Variants in TRIL observed in about 807,000 individuals in gnomAD.
The protein encoded by TRIL is TLR4 interactor with leucine rich repeats.
TRIL carries 23 observed loss-of-function variants against 43.0 expected under a neutral mutation model. The ratio of observed to expected loss-of-function variants is 0.54; its 90% CI spans 0.39 to 0.76. TRIL has a LOEUF of 0.76. Ranked by LOEUF, TRIL falls within the 30% of genes least tolerant of loss-of-function variation. TRIL has a pLI of 0.00. For synonymous variants in TRIL, 602 were observed against 556.8 expected, an observed-to-expected ratio of 1.08 and a Z score of -1.14; for missense variants, 1,114 against 1,139.3, an observed-to-expected ratio of 0.98 and a Z score of 0.32.
chr7:28,957,011 C>A lies in TRIL; in HGVS notation c.1036G>T (p.Ala346Ser). The change falls in exon 1 of 1, where the codon GCC becomes TCC. Residue 346 changes from alanine (A) to serine (S), a missense_variant. Physicochemically the swap from Ala to Ser is moderately conservative, Grantham distance 99 (BLOSUM62 1). Transcript: ENST00000539664. ...ALSALSGDIF[A>S]ASPALYRLDL... is the part of the protein sequence containing the mutation. ...AGCCGATAAAGGGCTGGGCTGGCGG[C>A]GAAGATGTCCCCGGATAGGGCGCTG... 1 of 1,579,518 alleles carries A rather than the reference C, an allele frequency of 6.3e-7. No homozygotes were observed. The highest frequency in any genetic ancestry group is 8.6e-7 in the Non-Finnish European group (1 of 1,164,300).
Position 28,953,699 on chromosome 7 carries a change from C to G in TRIL, c.*1912G>C, listed in dbSNP as rs1232485139. 2 of 152,226 alleles carry G rather than the reference C, an allele frequency of 1.3e-5. No individual in the cohort carries two copies. The highest frequency in any genetic ancestry group is 4.8e-5 in the African/African-American group (2 of 41,466). The allele number at this position is 152,226 out of a possible 1,614,324, so 9.4% of individuals were successfully genotyped here. A position where few individuals can be genotyped will look rare whatever the true frequency, so the allele number is the denominator to read the frequency against. ...ACTACTGCTCTCATGTACCAGTATGCTCTCAATCTAAAATAAGCCCTGGCA... is the reference window on the plus strand; with the variant it reads ...ACTACTGCTCTCATGTACCAGTATGGTCTCAATCTAAAATAAGCCCTGGCA... On this transcript the variant is annotated 3_prime_UTR_variant, in exon 1 of 1. Coordinates refer to ENST00000539664, the MANE Select transcript of TRIL (RefSeq NM_014817.4).
In TRIL at chr7:28,958,136, C is replaced by T. The variant is rs1469703149; in HGVS notation, c.-90G>A. 11 of 1,418,264 alleles carry T rather than the reference C, an allele frequency of 7.8e-6. No homozygotes were observed. Among genetic ancestry groups the T allele is most frequent in the African/African-American group, 6.0e-5 (4 of 66,762 alleles). 87.9% of individuals were successfully genotyped at this position (1,418,264 alleles called of 1,614,324 possible). A position where few individuals can be genotyped will look rare whatever the true frequency, so the allele number is the denominator to read the frequency against. On this transcript the variant is annotated 5_prime_UTR_variant, in exon 1 of 1. Coordinates refer to ENST00000539664, the MANE Select transcript of TRIL (RefSeq NM_014817.4). ...GCATTCCCCTTAGCCTGGCCAGAGT[C>T]GCTAAATGGCCTCTTTCGGACTTCG... is the stretch of plus-strand genomic sequence containing the variant.
At position 28,957,183 on chromosome 7, in the gene TRIL, C is replaced by T. The variant is rs776312894; in HGVS notation, c.864G>A (p.Arg288=). 2 of 1,597,564 alleles carry T rather than the reference C, an allele frequency of 1.3e-6. No individual in the cohort carries two copies. The highest frequency in any genetic ancestry group is 8.5e-7 in the Non-Finnish European group (1 of 1,175,426). ...GCAGCGCAGTTGGCAGCTGGCTCAG[C>T]CGATTACCCTCCAGGCGCAGCTCGC... ...ALRELRLEGN[R]LSQLPTALLE... The change falls in exon 1 of 1, where the codon CGG becomes CGA. Residue 288 remains arginine (R), a synonymous_variant. Coordinates refer to ENST00000539664, the MANE Select transcript of TRIL (RefSeq NM_014817.4).
rs1218444259 is a variant in TRIL, at chr7:28,955,700, G to A, written c.2347C>T (p.Pro783Ser). The A allele has an allele frequency of 9.7e-6, 15 of 1,549,946 alleles. No homozygotes were observed. Among genetic ancestry groups the A allele is most frequent in the African/African-American group, 5.5e-5 (4 of 73,068 alleles). ...GCACTGTCCATGAAGCGGTCGCAGG[G>A]GAATTCGATGAGGTCCGCCTCACTG... ...ALSEADLIEF[P>S]CDRFMDSAGG... is the part of the protein sequence containing the mutation. Residue 783 changes from proline (P) to serine (S), a missense_variant, in exon 1 of 1, where the codon CCC (proline) becomes TCC (serine). Physicochemically the swap from Pro to Ser is moderately conservative, Grantham distance 74. Transcript: ENST00000539664.
rs1783385645 is a variant in TRIL, at chr7:28,955,678, C to G, written c.2369G>C (p.Ser790Thr). 1 of 1,549,238 alleles carries G rather than the reference C, an allele frequency of 6.5e-7. No homozygotes were observed. Among genetic ancestry groups the G allele is most frequent in the Non-Finnish European group, 8.7e-7 (1 of 1,146,856 alleles). ...IEFPCDRFMD[S>T]AGGGAGGSLR... ...GCTGCCGCCCGCGCCGCCGCCCGCA[C>G]TGTCCATGAAGCGGTCGCAGGGGAA... Residue 790 changes from serine to threonine, a missense_variant, in exon 1 of 1, where the codon AGT becomes ACT. Coordinates refer to ENST00000539664, the MANE Select transcript of TRIL (RefSeq NM_014817.4).
chr7:28,955,758 C>A lies in TRIL; in HGVS notation c.2289G>T (p.Gln763His). The A allele has an allele frequency of 6.4e-7, 1 of 1,550,400 alleles. No homozygotes were observed. The change falls in exon 1 of 1, where the codon CAG (glutamine) becomes CAT (histidine). Residue 763 changes from glutamine (Q) to histidine (H), a missense_variant. Physicochemically the swap from Gln to His is conservative, Grantham distance 24. Coordinates refer to ENST00000539664, the MANE Select transcript of TRIL (RefSeq NM_014817.4). ...ACACGGTGGTGCGTGGCCGGTGCGA[C>A]TGGAATCCCGAGAAGTCGGCGGACA... ...TGVSADFSGFQSHRPRTTVCA... is the reference protein window; with the variant it reads ...TGVSADFSGFHSHRPRTTVCA...
rs1783403136 is a variant in TRIL, at chr7:28,956,388, A to G, written c.1659T>C (p.His553=). ...GCTCCTGGTGCTCCGTGCCCAGACG[A>G]TGCTTCGTCGCGCGCTGCCAGGGGT... ...AGDPWQRATK[H]RLGTEHQERA... is the part of the protein sequence containing the mutation. Residue 553 remains histidine (H), a synonymous_variant, in exon 1 of 1, where the codon CAT becomes CAC. Transcript: ENST00000539664. The G allele has an allele frequency of 6.5e-7, 1 of 1,535,036 alleles. No homozygotes were observed. Among genetic ancestry groups the G allele is most frequent in the Non-Finnish European group, 8.7e-7 (1 of 1,146,776 alleles).
At position 28,955,542 on chromosome 7, in the gene TRIL, G is replaced by A; in HGVS notation, c.*69C>T. On this transcript the variant is annotated 3_prime_UTR_variant, in exon 1 of 1. Coordinates refer to ENST00000539664, the MANE Select transcript of TRIL (RefSeq NM_014817.4). ...TGCACAAAACGGCACTTCCCCTGAG[G>A]TGGGCTGGTGGGCCTCACGGAGAGG... 3 of 1,443,276 alleles carry A rather than the reference G, an allele frequency of 2.1e-6. No homozygotes were observed. The highest frequency in any genetic ancestry group is 1.4e-5 in the African/African-American group (1 of 70,312). 89.4% of individuals were successfully genotyped at this position (1,443,276 alleles called of 1,614,324 possible).
rs1490043133 is a variant in TRIL, at chr7:28,957,978, G to T, written c.69C>A (p.Ala23=). The change falls in exon 1 of 1, where the codon GCC becomes GCA. Residue 23 remains alanine (A), a synonymous_variant. Coordinates refer to ENST00000539664, the MANE Select transcript of TRIL (RefSeq NM_014817.4). ...VCGCLALPPL[A]EPVCPERCDC... ...CGCAGCGCTCCGGGCACACGGGCTCGGCCAGCGGCGGGAGCGCGAGGCAGC... is the reference window on the plus strand; with the variant it reads ...CGCAGCGCTCCGGGCACACGGGCTCTGCCAGCGGCGGGAGCGCGAGGCAGC... 6.2e-7 allele frequency: 1 copy of T among 1,602,554 alleles called. No homozygotes were observed. The highest frequency in any genetic ancestry group is 1.3e-5 in the African/African-American group (1 of 74,888).
chr7:28,956,166 A>G lies in TRIL; in HGVS notation c.1881T>C (p.Phe627=), dbSNP rs919286031. 2.5e-6 allele frequency: 4 copies of G among 1,574,832 alleles called. No homozygotes were observed. The African/African-American group carries it at 4.0e-5, about 16-fold the overall frequency. ...GARFRLLFDR[F]GQQPKFHRFV... The stretch of plus-strand genomic sequence containing the variant: ...AGCGGTGGAACTTGGGCTGCTGGCC[A>G]AAGCGGTCAAAGAGCAGGCGGAAGC... The change falls in exon 1 of 1, where the codon TTT becomes TTC. Residue 627 remains phenylalanine (F), a synonymous_variant. Transcript: ENST00000539664.
chr7:28,957,493 T>A lies in TRIL; in HGVS notation c.554A>T (p.His185Leu). ...FAPLGNLLYLHLESNRIRFLG... is the reference protein window; with the variant it reads ...FAPLGNLLYLLLESNRIRFLG... ...AAAGCGGATCCGGTTGGACTCCAGA[T>A]GTAGGTAGAGCAGGTTGCCCAAGGG... The change falls in exon 1 of 1, where the codon CAT (histidine) becomes CTT (leucine). Residue 185 changes from histidine (H) to leucine (L), a missense_variant. Coordinates refer to ENST00000539664, the MANE Select transcript of TRIL (RefSeq NM_014817.4). The A allele has an allele frequency of 6.2e-7, 1 of 1,613,178 alleles. No homozygotes were observed. The highest frequency in any genetic ancestry group is 8.5e-7 in the Non-Finnish European group (1 of 1,179,818).
Position 28,958,125 on chromosome 7 carries a change from C to T in TRIL, c.-79G>A. The T allele has an allele frequency of 6.9e-7, 1 of 1,439,094 alleles. No homozygotes were observed. Among genetic ancestry groups the T allele is most frequent in the Non-Finnish European group, 9.1e-7 (1 of 1,098,234 alleles). 89.1% of individuals were successfully genotyped at this position (1,439,094 alleles called of 1,614,324 possible). A position where few individuals can be genotyped will look rare whatever the true frequency, so the allele number is the denominator to read the frequency against. ...GTGTCTCCTCTGCATTCCCCTTAGCCTGGCCAGAGTCGCTAAATGGCCTCT... is the reference window on the plus strand; with the variant it reads ...GTGTCTCCTCTGCATTCCCCTTAGCTTGGCCAGAGTCGCTAAATGGCCTCT... On this transcript the variant is annotated 5_prime_UTR_variant, in exon 1 of 1. Coordinates refer to ENST00000539664, the MANE Select transcript of TRIL (RefSeq NM_014817.4).
At position 28,958,226 on chromosome 7, in the gene TRIL, T is replaced by G. The variant is rs1037933968; in HGVS notation, c.-180A>C. The G allele has an allele frequency of 1.8e-5, 16 of 891,524 alleles. No individual in the cohort carries two copies. The highest frequency in any genetic ancestry group is 2.6e-5 in the Non-Finnish European group (16 of 623,036). The allele number at this position is 891,524 out of a possible 1,614,324, so 55.2% of individuals were successfully genotyped here. ...CCGGCCCGGGTCTCTGCAGGCGGGC[T>G]TCGCCCGGCCAAGTCAGGCGGCGCG... On this transcript the variant is annotated 5_prime_UTR_variant, in exon 1 of 1. Transcript: ENST00000539664.
chr7:28,956,557 G>A lies in TRIL; in HGVS notation c.1490C>T (p.Ser497Phe), dbSNP rs1783406532. The change falls in exon 1 of 1, where the codon TCC becomes TTC. Residue 497 changes from serine (S) to phenylalanine (F), a missense_variant. Coordinates refer to ENST00000539664, the MANE Select transcript of TRIL (RefSeq NM_014817.4). ...AGCCGGGCCCGCGGCGGCAGCGACG[G>A]AGGGGCTGGGCTGCTGGAGGCCCGG... is the stretch of plus-strand genomic sequence containing the variant. The part of the protein sequence containing the change: ...RGPGLQQPSP[S>F]VAAAAGPAPQ... The A allele has an allele frequency of 6.4e-7, 1 of 1,555,124 alleles. No homozygotes were observed. The highest frequency in any genetic ancestry group is 8.6e-7 in the Non-Finnish European group (1 of 1,158,928).
In TRIL at chr7:28,955,509, C is replaced by G. The variant is rs889164486; in HGVS notation, c.*102G>C. 1.4e-6 allele frequency: 2 copies of G among 1,422,166 alleles called. No individual in the cohort carries two copies. Among genetic ancestry groups the G allele is most frequent in the African/African-American group, 2.9e-5 (2 of 69,344 alleles). 88.1% of individuals were successfully genotyped at this position (1,422,166 alleles called of 1,614,324 possible). A position where few individuals can be genotyped will look rare whatever the true frequency, so the allele number is the denominator to read the frequency against. ...TGGCCCTCTGTCCCCACCGGCCTCT[C>G]TGGCAAGTGCACAAAACGGCACTTC... On this transcript the variant is annotated 3_prime_UTR_variant, in exon 1 of 1. Coordinates refer to ENST00000539664, the MANE Select transcript of TRIL (RefSeq NM_014817.4).
chr7:28,955,356 TCAAAGCCTCCAAG>T lies in TRIL; in HGVS notation c.*242_*254del, dbSNP rs1256476082. 1.1e-5 allele frequency: 6 copies of T among 529,066 alleles called. No individual in the cohort carries two copies. The highest frequency in any genetic ancestry group is 6.4e-6 in the Non-Finnish European group (2 of 311,992). The allele number at this position is 529,066 out of a possible 1,614,324, so 32.8% of individuals were successfully genotyped here. A position where few individuals can be genotyped will look rare whatever the true frequency, so the allele number is the denominator to read the frequency against. On this transcript the variant is annotated 3_prime_UTR_variant, in exon 1 of 1. Transcript: ENST00000539664. Reference sequence around the variant, plus strand: ...TACAAAAGCCATTCGCATAGCTGTGTCAAAGCCTCCAAGCGAAGCCTCCGACCTCAGCATCCCA... The same window carrying T: ...TACAAAAGCCATTCGCATAGCTGTGTCGAAGCCTCCGACCTCAGCATCCCA...
Position 28,955,282 on chromosome 7 carries a change from A to C in TRIL, c.*329T>G, listed in dbSNP as rs962258010. 22 of 346,722 alleles carry C rather than the reference A, an allele frequency of 6.3e-5. No homozygotes were observed. The highest frequency in any genetic ancestry group is 8.8e-5 in the Non-Finnish European group (17 of 193,288). The allele number at this position is 346,722 out of a possible 1,614,324, so 21.5% of individuals were successfully genotyped here. The stretch of plus-strand genomic sequence containing the variant: ...AAATATTTCTGGCCATGTTGGGGGC[A>C]CAAGCACCCCCTTTCTACCCCCAAA... On this transcript the variant is annotated 3_prime_UTR_variant, in exon 1 of 1. Coordinates refer to ENST00000539664, the MANE Select transcript of TRIL (RefSeq NM_014817.4).
chr7:28,956,372 G>A lies in TRIL; in HGVS notation c.1675C>T (p.His559Tyr), dbSNP rs1018073682. 4 of 1,532,936 alleles carry A rather than the reference G, an allele frequency of 2.6e-6. No individual in the cohort carries two copies. Among genetic ancestry groups the A allele is most frequent in the African/African-American group, 1.4e-5 (1 of 72,496 alleles). 95.0% of individuals were successfully genotyped at this position (1,532,936 alleles called of 1,614,324 possible). A position where few individuals can be genotyped will look rare whatever the true frequency, so the allele number is the denominator to read the frequency against. Residue 559 changes from histidine (H) to tyrosine (Y), a missense_variant, in exon 1 of 1, where the codon CAC (histidine) becomes TAC (tyrosine). His to Tyr is a moderately conservative substitution (Grantham distance 83). Transcript: ENST00000539664. ...TCGGACTGGGCGGCACGCTCCTGGT[G>A]CTCCGTGCCCAGACGATGCTTCGTC... ...RATKHRLGTE[H>Y]QERAAQSDGG...
In TRIL at chr7:28,955,230, C is replaced by T. The variant is rs1783378986; in HGVS notation, c.*381G>A. 4.3e-6 allele frequency: 1 copy of T among 233,294 alleles called. No homozygotes were observed. The highest frequency in any genetic ancestry group is 8.7e-5 in the East Asian group (1 of 11,432). 14.5% of individuals were successfully genotyped at this position (233,294 alleles called of 1,614,324 possible). On this transcript the variant is annotated 3_prime_UTR_variant, in exon 1 of 1. Transcript: ENST00000539664. ...ATAGAAACAAAACTTCTCTGTTTGA[C>T]ACTGAGCAAACAAAAAGCATGCACC...
Sources: allele counts gnomAD v4.1 joint callset, GRCh38; gene constraint gnomAD v4.1.1; transcripts MANE v1.5; gene names NCBI Gene and HGNC (gene_info 2026-07-23, HGNC 2026-07-21).